The following ATP8B4 variants were observed in gnomAD, a reference collection of about 807,000 sequenced individuals.
The protein encoded by ATP8B4 is ATPase phospholipid transporting 8B4 (putative).
ATP8B4 carries 133 observed loss-of-function variants against 145.6 expected under a neutral mutation model. That is an observed-to-expected ratio of 0.91 (90% CI 0.79 to 1.05). The LOEUF (loss-of-function observed/expected upper bound fraction) is 1.05, where lower values mean the gene tolerates loss of function less well. Ranked by LOEUF, ATP8B4 falls within the 50% of genes least tolerant of loss-of-function variation. The probability of loss-of-function intolerance (pLI) is 0.00; values close to 1 mark genes in which losing one functional copy is unlikely to be tolerated. For synonymous variants in ATP8B4, 507 were observed against 492.9 expected (o/e 1.03, Z -0.38); for missense variants, 1,458 against 1,425.2 (o/e 1.02, Z -0.37).
intron 9 of ATP8B4, among the ~76,000 whole-genome samples, chr15:49,993,969 T>C (rs1424167541): frequency 2.6e-5 from 4 of 152,176 alleles, no homozygotes; most frequent in Non-Finnish European, 1.5e-5. Context: ...TCAAGTCATA[T>C]CTAGTAAGTA....
chr15:49,993,114 A>T (rs986835569), intron 9 of ATP8B4, among the ~76,000 whole-genome samples: 6 of 152,136 alleles, frequency 3.9e-5, no homozygotes, highest in African/African-American at 1.4e-4. Context: ...ATATATGGAG[A>T]GATCATTTAT....
At chr15:50,177,355 C>T (rs1422068330) in intron 1 of ATP8B4, among the ~76,000 whole-genome samples, 1 of 152,222 alleles carries the variant, frequency 6.6e-6, no homozygotes, top group Admixed American at 6.5e-5. Context: ...TCAAGTCTCA[C>T]AATCTTTTCT....
intron 20 of ATP8B4, among the ~76,000 whole-genome samples, chr15:49,908,455 C>T (rs145445556): frequency 6.6e-6 from 1 of 152,250 alleles, no homozygotes; most frequent in African/African-American, 2.4e-5. Context: ...CAGAAAGGCT[C>T]TCCTGTGTAG....
At chr15:49,953,616 A>C (rs572435254) in intron 14 of ATP8B4, among the ~76,000 whole-genome samples, 2 of 152,202 alleles carry the variant, frequency 1.3e-5, no homozygotes, top group East Asian at 1.9e-4. Flanking sequence ...CCCTTCCCCC[A>C]CCCAAGGAGC....
intron 4 of ATP8B4, among the ~76,000 whole-genome samples, chr15:50,045,818 C>A (rs1441143883): frequency 6.6e-6 from 1 of 152,042 alleles, no homozygotes; most frequent in African/African-American, 2.4e-5. Context: ...TGAACAAGAG[C>A]CTTTGGCCAC....
rs769439465 is a variant in ATP8B4 at position 49,877,950 on chromosome 15, G to T, written c.2781+1426C>A. Among the ~76,000 whole-genome samples, 8 of 152,282 alleles carry T rather than the reference G, an allele frequency of 5.3e-5. No homozygotes were observed. In the South Asian group the frequency reaches 1.7e-3, roughly 32 times the overall value. ...ATTGGCTGTGTGGCTTTAGGGAAAT[G>T]ACTCTCCAAGGCTTGGTTTCTGCCT... On this transcript the variant is annotated intron_variant, in intron 24 of 27. Transcript: ENST00000284509.
intron 14 of ATP8B4, 84 bp downstream of exon 14, chr15:49,961,893 C>G: frequency 8.6e-7 from 1 of 1,168,372 alleles, no homozygotes; most frequent in Non-Finnish European, 1.2e-6. Context: ...TGGTGGAAAT[C>G]AGGACACTAA....
intron 1 of ATP8B4, among the ~76,000 whole-genome samples, chr15:50,128,154 T>C (rs7178278): frequency 0.51 from 77,013 of 152,122 alleles, 21,103 homozygotes; most frequent in Middle Eastern, 0.65. Context: ...GGAACACTTA[T>C]GGAGTTAAGT....
chr15:50,130,752 G>A (rs915737902), intron 1 of ATP8B4, among the ~76,000 whole-genome samples: 4 of 151,928 alleles, frequency 2.6e-5, no homozygotes, highest in Non-Finnish European at 5.9e-5. Flanking sequence ...CTCCAGCCTG[G>A]TGACAGAGCA....
intron 1 of ATP8B4, among the ~76,000 whole-genome samples, chr15:50,112,269 GC>G (rs1280082547): frequency 6.6e-6 from 1 of 152,142 alleles, no homozygotes; most frequent in Non-Finnish European, 1.5e-5. Context: ...AGCCTTGGCA[GC>G]CCCCCTTGCT....
intron 23 of ATP8B4, among the ~76,000 whole-genome samples, chr15:49,891,128 C>T (rs1407180813): frequency 6.6e-6 from 1 of 152,028 alleles, no homozygotes; most frequent in East Asian, 1.9e-4. Flanking sequence ...TACCCTTCTG[C>T]AAATCAAGCC....
rs142831711 is a variant in ATP8B4 at position 49,967,263 on chromosome 15, G to A, written c.1244-5243C>T. Among the ~76,000 whole-genome samples the A allele has an allele frequency of 5.8e-4, 88 of 152,310 alleles. 1 individual carries two copies. In the East Asian group the frequency reaches 0.016, roughly 27 times the overall value. The stretch of plus-strand genomic sequence containing the variant: ...CAGCAAGGGAACAAAACTGGACAGA[G>A]AATGAGTTTGACAAACTGACAGAAG... On this transcript the variant is annotated intron_variant, in intron 13 of 27. Coordinates refer to ENST00000284509, the MANE Select transcript of ATP8B4 (RefSeq NM_024837.4).
Position 50,074,412 on chromosome 15 carries a change from A to G in ATP8B4, c.29-227T>C, listed in dbSNP as rs143009130. On this transcript the variant is annotated intron_variant, in intron 2 of 27. Coordinates refer to ENST00000284509, the MANE Select transcript of ATP8B4 (RefSeq NM_024837.4). The stretch of plus-strand genomic sequence containing the variant: ...CATTGTCCTCCTGATGCCAACCATA[A>G]AGCAAAACATTATGTGTCTCCAATT... Among the ~76,000 whole-genome samples the G allele has an allele frequency of 2.6e-5, 4 of 152,306 alleles. No homozygotes were observed. In the East Asian group the frequency reaches 7.7e-4, roughly 29 times the overall value.
intron 20 of ATP8B4, among the ~76,000 whole-genome samples, chr15:49,904,670 G>A (rs1009207977): frequency 1.3e-5 from 2 of 152,156 alleles, no homozygotes; most frequent in Admixed American, 1.3e-4. Flanking sequence ...ATCACTCCCT[G>A]ATGTATAATA....
intron 1 of ATP8B4, among the ~76,000 whole-genome samples, chr15:50,146,292 T>A (rs2044276588): frequency 6.6e-6 from 1 of 152,200 alleles, no homozygotes; most frequent in Non-Finnish European, 1.5e-5. Context: ...ATTACAGGCA[T>A]GAGCCACCAC....
chr15:49,890,433 T>C (rs1207096989), intron 23 of ATP8B4, among the ~76,000 whole-genome samples: 4 of 151,960 alleles, frequency 2.6e-5, no homozygotes, highest in African/African-American at 9.7e-5. Context: ...TGGCAGGGAG[T>C]GGGAAGACCT....
At chr15:50,006,499 A>G (rs1011727318) in intron 7 of ATP8B4, among the ~76,000 whole-genome samples, 16 of 151,038 alleles carry the variant, frequency 1.1e-4, no homozygotes, top group Admixed American at 7.9e-4. Context: ...CAAAAAAAAA[A>G]AAAAAAAAAA....
upstream of ATP8B4, among the ~76,000 whole-genome samples, chr15:50,119,752 CTTTT>C (rs572570694): frequency 0.097 from 8,849 of 91,502 alleles, 435 homozygotes; most frequent in Middle Eastern, 0.17. Context: ...GTTTTTGTCA[CTTTT>C]TTTTTTTTTT....
intron 1 of ATP8B4, among the ~76,000 whole-genome samples, chr15:50,161,671 C>T (rs2044520760): frequency 6.7e-6 from 1 of 150,302 alleles, no homozygotes; most frequent in Non-Finnish European, 1.5e-5. Flanking sequence ...CTATATCCCC[C>T]ACTTTTTACC....
Sources: allele counts gnomAD v4.1 joint callset (sites outside exome capture counted in the v4.1 genomes callset), GRCh38; gene constraint gnomAD v4.1.1; transcripts MANE v1.5; gene names NCBI Gene and HGNC (gene_info 2026-07-23, HGNC 2026-07-21).